The following CASR variants were observed in gnomAD, a reference collection of about 807,000 sequenced individuals.
CASR encodes the protein extracellular calcium-sensing receptor.
CASR carries 23 observed loss-of-function variants against 69.1 expected under a neutral mutation model. The observed-to-expected ratio is 0.33, with a 90% CI of 0.24 to 0.47. The LOEUF is 0.47. Ranked by LOEUF, CASR falls within the 20% of genes least tolerant of loss-of-function variation. The pLI is 1.00. For missense variants in CASR, 924 were observed against 1,356.1 expected (o/e 0.68, Z 5.00); for synonymous variants, 541 against 544.7 (o/e 0.99, Z 0.10).
rs920952147 is a variant in CASR, at chr3:122,220,450, C to A, written c.-242-33498C>A. Among the ~76,000 whole-genome samples, 4 of 152,250 alleles carry A rather than the reference C, an allele frequency of 2.6e-5. No individual in the cohort carries two copies. In the East Asian group the frequency reaches 7.7e-4, roughly 29 times the overall value. ...CAGACTGAAAATTTCTGAAGAAATA[C>A]AGAGCAACATCTCTGTTGCTGTATG... On this transcript the variant is annotated intron_variant, in intron 1 of 6. Coordinates refer to ENST00000639785, the MANE Select transcript of CASR (RefSeq NM_000388.4).
At chr3:122,226,754 A>G (rs1213705543) in intron 1 of CASR, among the ~76,000 whole-genome samples, 1 of 151,884 alleles carries the variant, frequency 6.6e-6, no homozygotes, top group East Asian at 1.9e-4. Flanking sequence ...CAGAGTGCCA[A>G]TTGGTGCATT....
chr3:122,235,949 C>T (rs2074325731), intron 1 of CASR, among the ~76,000 whole-genome samples: 2 of 152,274 alleles, frequency 1.3e-5, no homozygotes, highest in South Asian at 2.1e-4. Context: ...GGTTGCTGGT[C>T]CCACACCCAG....
intron 1 of CASR, among the ~76,000 whole-genome samples, 166 bp downstream of exon 1, chr3:122,183,978 C>T (rs1030980776): frequency 2.0e-5 from 3 of 152,074 alleles, no homozygotes; most frequent in Admixed American, 6.5e-5. Context: ...AAGAGGACAG[C>T]GGGAACAGGA....
At chr3:122,196,804 C>A (rs1163301311) in intron 1 of CASR, among the ~76,000 whole-genome samples, 3 of 152,080 alleles carry the variant, frequency 2.0e-5, no homozygotes, top group South Asian at 2.1e-4. Flanking sequence ...CCCTTTGCTA[C>A]CCCCAGTTTT....
chr3:122,221,362 G>A (rs9866419), intron 1 of CASR, among the ~76,000 whole-genome samples: 103,265 of 151,942 alleles, frequency 0.68, 35,378 homozygotes, highest in Admixed American at 0.79. Flanking sequence ...TTGTCTCAGC[G>A]CAAGCCCCTC....
rs531645049 is a variant in CASR at position 122,185,955 on chromosome 3, T to G, written c.-243+2143T>G. On this transcript the variant is annotated intron_variant, in intron 1 of 6. Coordinates refer to ENST00000639785, the MANE Select transcript of CASR (RefSeq NM_000388.4). Reference sequence around the variant, plus strand: ...TTGGGAACAGTCTCCATATAATTTCTAAGAGACCACACATGCGAGTTACTT... The same window carrying G: ...TTGGGAACAGTCTCCATATAATTTCGAAGAGACCACACATGCGAGTTACTT... Among the ~76,000 whole-genome samples the G allele has an allele frequency of 5.0e-4, 73 of 146,624 alleles. No individual in the cohort carries two copies. The South Asian group carries it at 0.015, about 30-fold the overall frequency.
At chr3:122,194,697 C>T (rs1365230086) in intron 1 of CASR, among the ~76,000 whole-genome samples, 1 of 152,110 alleles carries the variant, frequency 6.6e-6, no homozygotes, top group Non-Finnish European at 1.5e-5. Flanking sequence ...GTCTTATAAC[C>T]CTTGGCCCTC....
chr3:122,260,697 A>AGT (rs1559958328), intron 3 of CASR, among the ~76,000 whole-genome samples: 2 of 151,946 alleles, frequency 1.3e-5, no homozygotes, highest in East Asian at 3.9e-4. Flanking sequence ...AATAAAAAAA[A>AGT]AAAAAAAGTG....
chr3:122,288,510 C>G lies in CASR; in HGVS notation c.*3319C>G, dbSNP rs540150495. On this transcript the variant is annotated 3_prime_UTR_variant, in exon 7 of 7. Transcript: ENST00000639785. The stretch of plus-strand genomic sequence containing the variant: ...CTGAGTTTTGGCAGCCAGAGCCTGT[C>G]TCAGAGATCTATTCCTGTTCTCACT... 2.6e-5 allele frequency: 4 copies of G among 152,174 alleles called. No homozygotes were observed. The highest frequency in any genetic ancestry group is 5.9e-5 in the Non-Finnish European group (4 of 68,046). 9.4% of individuals were successfully genotyped at this position (152,174 alleles called of 1,614,324 possible).
chr3:122,264,360 T>A (rs1459748428), intron 4 of CASR, among the ~76,000 whole-genome samples: 2 of 152,210 alleles, frequency 1.3e-5, no homozygotes, highest in African/African-American at 4.8e-5. Context: ...CTTCCCAAGA[T>A]ATCCTGTAAA....
chr3:122,232,398 A>C (rs2074287049), intron 1 of CASR, among the ~76,000 whole-genome samples: 1 of 152,174 alleles, frequency 6.6e-6, no homozygotes. Flanking sequence ...TGAGCCACTG[A>C]AGGATCCCTG....
intron 2 of CASR, among the ~76,000 whole-genome samples, chr3:122,255,530 T>A (rs1010471574): frequency 2.0e-5 from 3 of 152,212 alleles, no homozygotes; most frequent in African/African-American, 7.2e-5. Context: ...ACATAACCCA[T>A]GTGGACAAAT....
intron 6 of CASR, among the ~76,000 whole-genome samples, chr3:122,282,890 T>C (rs889580945): frequency 1.4e-4 from 21 of 152,228 alleles, no homozygotes; most frequent in Admixed American, 1.0e-3. Context: ...AGAAGCTTGA[T>C]CAAAGTCACA....
chr3:122,257,493 C>A, intron 3 of CASR, 106 bp downstream of exon 3: 3 of 770,462 alleles, frequency 3.9e-6, no homozygotes, highest in South Asian at 1.7e-5. Context: ...CCATCTCTGG[C>A]ACAAAAGACC....
chr3:122,284,502 G>A lies in CASR; in HGVS notation c.2548G>A (p.Ala850Thr), dbSNP rs1418475623. 5.0e-6 allele frequency: 8 copies of A among 1,613,360 alleles called. No homozygotes were observed. The highest frequency in any genetic ancestry group is 6.8e-6 in the Non-Finnish European group (8 of 1,180,004). Residue 850 changes from alanine (A) to threonine (T), a missense_variant, in exon 7 of 7, where the codon GCG (alanine) becomes ACG (threonine). Coordinates refer to ENST00000639785, the MANE Select transcript of CASR (RefSeq NM_000388.4). Reference sequence around the variant, plus strand: ...CCTGGCAGCCAGCTTTGGCTTGCTGGCGTGCATCTTCTTCAACAAGATCTA... The same window carrying A: ...CCTGGCAGCCAGCTTTGGCTTGCTGACGTGCATCTTCTTCAACAAGATCTA... ...AILAASFGLLACIFFNKIYII... is the reference protein window; with the variant it reads ...AILAASFGLLTCIFFNKIYII...
chr3:122,244,698 G>A (rs1464698429), intron 1 of CASR, among the ~76,000 whole-genome samples: 1 of 152,004 alleles, frequency 6.6e-6, no homozygotes, highest in Non-Finnish European at 1.5e-5. Context: ...TTTACATTGT[G>A]GAAATTCTTG....
intron 1 of CASR, among the ~76,000 whole-genome samples, chr3:122,185,739 T>C (rs551309086): frequency 5.2e-4 from 79 of 152,326 alleles, no homozygotes; most frequent in African/African-American, 1.8e-3. Context: ...ATTTTTCCTC[T>C]GTAGGAACCT....
chr3:122,250,149 G>C (rs1183667618), intron 1 of CASR, among the ~76,000 whole-genome samples: 1 of 152,160 alleles, frequency 6.6e-6, no homozygotes, highest in Non-Finnish European at 1.5e-5. Flanking sequence ...GAGTGTGTAG[G>C]AGAAGGCAGA....
chr3:122,201,890 C>T (rs1280835272), intron 1 of CASR, among the ~76,000 whole-genome samples: 4 of 151,860 alleles, frequency 2.6e-5, no homozygotes, highest in African/African-American at 9.7e-5. Context: ...TCCTCACTTC[C>T]TAGATGGGAT....
Sources: allele counts gnomAD v4.1 joint callset (sites outside exome capture counted in the v4.1 genomes callset), GRCh38; gene constraint gnomAD v4.1.1; transcripts MANE v1.5; gene names NCBI Gene and HGNC (gene_info 2026-07-23, HGNC 2026-07-21).